Variants in GLI2 observed in about 807,000 individuals in gnomAD.
GLI2 encodes the protein GLI family zinc finger 2, also known as transcription activator GLI2.
Under a neutral mutation model 78.9 loss-of-function variants are expected in GLI2, and 22 were observed. The ratio of observed to expected loss-of-function variants is 0.28; its 90% confidence interval spans 0.20 to 0.40. The LOEUF is 0.40. Ranked by LOEUF, GLI2 falls within the 10% of genes least tolerant of loss-of-function variation. GLI2 has a pLI of 1.00. For missense variants in GLI2, 2,097 were observed against 2,213.2 expected, an observed-to-expected ratio of 0.95 and a Z score of 1.05; for synonymous variants, 974 against 963.7, an observed-to-expected ratio of 1.01 and a Z score of -0.20.
At chr2:120,982,487 C>T (rs1010132661) in intron 10 of GLI2, among the ~76,000 whole-genome samples, 12 of 152,200 alleles carry the variant, frequency 7.9e-5, no homozygotes, top group African/African-American at 2.2e-4. Context: ...AACTTACCTG[C>T]GTGTCAGCAG....
At chr2:120,746,447 G>A (rs1682696496) in intron 1 of GLI2, among the ~76,000 whole-genome samples, 2 of 152,198 alleles carry the variant, frequency 1.3e-5, no homozygotes, top group African/African-American at 4.8e-5. Context: ...GAGAGGCCTG[G>A]GTCTCTCTGC....
chr2:120,819,556 A>G (rs1685666475), intron 2 of GLI2, among the ~76,000 whole-genome samples: 1 of 151,982 alleles, frequency 6.6e-6, no homozygotes, highest in African/African-American at 2.4e-5. Context: ...TGTATTTTCT[A>G]TCCACCCTCG....
At chr2:120,833,572 C>T (rs1686469023) in intron 2 of GLI2, among the ~76,000 whole-genome samples, 1 of 152,144 alleles carries the variant, frequency 6.6e-6, no homozygotes, top group African/African-American at 2.4e-5. Flanking sequence ...GCCTCATCCC[C>T]CAACCTTGGA....
At chr2:120,757,066 A>G (rs1382653231) in intron 1 of GLI2, among the ~76,000 whole-genome samples, 1 of 152,026 alleles carries the variant, frequency 6.6e-6, no homozygotes, top group Non-Finnish European at 1.5e-5. Context: ...TAGAAGTTTG[A>G]TTGGGTCGTT....
intron 1 of GLI2, among the ~76,000 whole-genome samples, chr2:120,771,284 C>CA (rs1240269828): frequency 6.6e-5 from 10 of 152,186 alleles, no homozygotes; most frequent in Non-Finnish European, 8.8e-5. Context: ...CGCTTGGGTT[C>CA]AGCACTCTTC....
chr2:120,927,558 G>A, intron 3 of GLI2, 92 bp downstream of exon 3: 2 of 851,442 alleles, frequency 2.3e-6, no homozygotes, highest in Admixed American at 1.7e-5. Context: ...TCCTGCCTCT[G>A]TCTTTCTTTT....
In GLI2 at chr2:120,973,076, G is replaced by A. The variant is rs78823235; in HGVS notation, c.1182+1013G>A. Among the ~76,000 whole-genome samples, 222 of 152,230 alleles carry A rather than the reference G, an allele frequency of 1.5e-3. 2 individuals are homozygous for A. Among genetic ancestry groups the A allele is most frequent in the Non-Finnish European group, 2.4e-3 (164 of 68,008 alleles). ...TATCCCTGTCTCCCCTGCATCTGCC[G>A]AGCATCCTTTATCAAAACTGTGAAC... On this transcript the variant is annotated intron_variant, in intron 8 of 13. Transcript: ENST00000361492.
At chr2:120,834,564 TG>T (rs925104578) in intron 2 of GLI2, among the ~76,000 whole-genome samples, 11 of 152,206 alleles carry the variant, frequency 7.2e-5, no homozygotes, top group African/African-American at 2.6e-4. Context: ...CAGCCAGCCT[TG>T]GGAGGGGCTG....
intron 2 of GLI2, among the ~76,000 whole-genome samples, chr2:120,923,577 CATACAT>C (rs1558885537): frequency 6.6e-6 from 1 of 151,984 alleles, no homozygotes; most frequent in Non-Finnish European, 1.5e-5. Flanking sequence ...CACAGCAACA[CATACAT>C]ATACAACACA....
chr2:120,841,848 GGTGT>G (rs555474895), intron 2 of GLI2, among the ~76,000 whole-genome samples: 1,630 of 132,630 alleles, frequency 0.012, 18 homozygotes, highest in Admixed American at 0.027. Context: ...CAGTCTGGAG[GGTGT>G]GTGTGTGTGT....
intron 2 of GLI2, among the ~76,000 whole-genome samples, chr2:120,809,127 G>A (rs1055861827): frequency 3.9e-5 from 6 of 152,224 alleles, no homozygotes; most frequent in African/African-American, 9.6e-5. Context: ...GCATCCATCC[G>A]CTAATGAATG....
chr2:120,922,166 A>G (rs1380608409), intron 2 of GLI2, among the ~76,000 whole-genome samples: 1 of 152,196 alleles, frequency 6.6e-6, no homozygotes, highest in Non-Finnish European at 1.5e-5. Flanking sequence ...CCACATAGCA[A>G]ATGCTTGATA....
chr2:120,767,929 C>T (rs1683411985), intron 1 of GLI2, among the ~76,000 whole-genome samples: 1 of 152,176 alleles, frequency 6.6e-6, no homozygotes, highest in South Asian at 2.1e-4. Context: ...ATCAGAAGGA[C>T]TCGATGCCTG....
intron 2 of GLI2, among the ~76,000 whole-genome samples, chr2:120,921,275 G>T (rs547777601): frequency 6.6e-6 from 1 of 152,060 alleles, no homozygotes; most frequent in East Asian, 1.9e-4. Flanking sequence ...GGTGGGGGGT[G>T]TTGGGGTGCT....
rs1408236031 is a variant in GLI2 at position 120,882,787 on chromosome 2, C to CT, written c.149-44564dup. 1.3e-4 allele frequency among the ~76,000 whole-genome samples: 19 copies of CT among 150,340 alleles called. No homozygotes were observed. In the East Asian group the frequency reaches 2.1e-3, roughly 17 times the overall value. On this transcript the variant is annotated intron_variant, in intron 2 of 13. Transcript: ENST00000361492. Reference sequence around the variant, plus strand: ...GTCTCACATCTGGTCTTAAGTGGGTCTTTTTTTTTTCTTCTCATTTTGTCT... The same window carrying CT: ...GTCTCACATCTGGTCTTAAGTGGGTCTTTTTTTTTTTCTTCTCATTTTGTCT...
Position 120,990,028 on chromosome 2 carries a change from C to T in GLI2, c.4063C>T (p.Arg1355Trp), listed in dbSNP as rs745816777. ...ATAGFGLVQP[R>W]PPLEPSPTGR... is the part of the protein sequence containing the mutation. Reference sequence around the variant, plus strand: ...AGCAGGCTTTGGCCTAGTGCAGCCCCGGCCTCCCCTCGAGCCCAGCCCCAC... The same window carrying T: ...AGCAGGCTTTGGCCTAGTGCAGCCCTGGCCTCCCCTCGAGCCCAGCCCCAC... Residue 1355 changes from arginine to tryptophan, a missense_variant, in exon 14 of 14, where the codon CGG (arginine) becomes TGG (tryptophan). Around this residue, in one of 5 missense-constraint regions of GLI2, gnomAD observed 1,290 missense variants for 1,261.7 expected, o/e 1.02. Transcript: ENST00000361492. 10 of 1,606,212 alleles carry T rather than the reference C, an allele frequency of 6.2e-6. No individual in the cohort carries two copies. Among genetic ancestry groups the T allele is most frequent in the Admixed American group, 1.7e-5 (1 of 59,544 alleles).
rs529710748 is a variant in GLI2 at position 120,837,363 on chromosome 2, C to G, written c.148+39895C>G. On this transcript the variant is annotated intron_variant, in intron 2 of 13. Coordinates refer to ENST00000361492, the MANE Select transcript of GLI2 (RefSeq NM_001374353.1). Reference sequence around the variant, plus strand: ...GAGCCAAGATCACACCACTGCACTCCAGCCTGGGCAACAGAGCGAGACTCC... The same window carrying G: ...GAGCCAAGATCACACCACTGCACTCGAGCCTGGGCAACAGAGCGAGACTCC... 3.2e-4 allele frequency among the ~76,000 whole-genome samples: 44 copies of G among 139,140 alleles called. 1 individual carries two copies. Among genetic ancestry groups the G allele is most frequent in the Non-Finnish European group, 3.3e-4 (22 of 66,480 alleles). The allele number at this position is 139,140 out of a possible 152,430, so 91.3% of individuals were successfully genotyped here. A position where few individuals can be genotyped will look rare whatever the true frequency, so the allele number is the denominator to read the frequency against.
rs977162852 is a variant in GLI2, at chr2:120,824,493, G to A, written c.148+27025G>A. The stretch of plus-strand genomic sequence containing the variant: ...AGCTTTGGCTCTTACGTTCACGAGC[G>A]CTGGGGCTCAGAGATGGCAGAATGG... On this transcript the variant is annotated intron_variant, in intron 2 of 13. Transcript: ENST00000361492. Among the ~76,000 whole-genome samples the A allele has an allele frequency of 4.6e-5, 7 of 152,332 alleles. No homozygotes were observed. In the South Asian group the frequency reaches 1.4e-3, roughly 32 times the overall value.
chr2:120,916,305 C>T (rs1216897931), intron 2 of GLI2, among the ~76,000 whole-genome samples: 1 of 152,228 alleles, frequency 6.6e-6, no homozygotes, highest in Non-Finnish European at 1.5e-5. Context: ...GGAGAGGCCA[C>T]ATGCTTTGCA....
Sources: gnomAD v4.1 joint callset for allele counts (sites outside exome capture counted in the v4.1 genomes callset) on GRCh38, gnomAD v4.1.1 for gene constraint, gnomAD v4.1.1 regional missense constraint, MANE v1.5 for transcripts, NCBI Gene and HGNC (gene_info 2026-07-23, HGNC 2026-07-21) for gene names.